The following PDSS2 variants were observed in gnomAD, a reference collection of about 807,000 sequenced individuals.
The protein encoded by PDSS2 is all trans-polyprenyl-diphosphate synthase PDSS2.
Under a neutral mutation model 44.5 loss-of-function variants are expected in PDSS2, and 31 were observed. The ratio of observed to expected loss-of-function variants is 0.70; its 90% CI spans 0.52 to 0.94. The LOEUF (loss-of-function observed/expected upper bound fraction) is 0.94, where lower values mean the gene tolerates loss of function less well. Among genes scored for constraint, PDSS2 ranks in the 40% least tolerant of loss-of-function variants. The pLI is 0.00. For synonymous variants in PDSS2, 157 were observed against 180.3 expected, an observed-to-expected ratio of 0.87 and a Z score of 1.03; for missense variants, 452 against 482.2, an observed-to-expected ratio of 0.94 and a Z score of 0.59.
rs1582944005 is a variant in PDSS2, at chr6:107,325,745, T to C, written c.431+8453A>G. 2.6e-5 allele frequency among the ~76,000 whole-genome samples: 4 copies of C among 152,348 alleles called. No homozygotes were observed. The East Asian group carries it at 7.7e-4, about 29-fold the overall frequency. ...TTCATGTCTTTTGTCCATGTTTGTG[T>C]TGTAATTTTCTTCTTCCCGATTTAT... On this transcript the variant is annotated intron_variant, in intron 2 of 7. Coordinates refer to ENST00000369037, the MANE Select transcript of PDSS2 (RefSeq NM_020381.4).
chr6:107,440,463 C>G (rs905645354), intron 1 of PDSS2, among the ~76,000 whole-genome samples: 1 of 152,208 alleles, frequency 6.6e-6, no homozygotes. Flanking sequence ...AGACAAGGTT[C>G]CAGCTAGGAT....
chr6:107,399,890 T>C (rs319124), intron 1 of PDSS2, among the ~76,000 whole-genome samples: 57,282 of 151,906 alleles, frequency 0.38, 13,279 homozygotes, highest in Middle Eastern at 0.64. Flanking sequence ...CCTCATCCAT[T>C]TGGAAATAAC....
At chr6:107,402,533 T>TTTTATA (rs767244108) in intron 1 of PDSS2, among the ~76,000 whole-genome samples, 1 of 63,816 alleles carries the variant, frequency 1.6e-5, no homozygotes, top group South Asian at 4.2e-4. Flanking sequence ...TACATACATT[T>TTTTATA]TATATATATA....
At chr6:107,334,464 G>A in intron 1 of PDSS2, 132 bp from the exon 2 acceptor site, 1 of 800,316 alleles carries the variant, frequency 1.2e-6, no homozygotes, top group Non-Finnish European at 2.1e-6. Context: ...AACAGGGTCA[G>A]GGAGGAAAAT....
chr6:107,434,600 G>C (rs1162040403), intron 1 of PDSS2, among the ~76,000 whole-genome samples: 3 of 152,078 alleles, frequency 2.0e-5, no homozygotes, highest in Non-Finnish European at 4.4e-5. Context: ...CCAGAGGCTG[G>C]GAAGCATAGT....
intron 4 of PDSS2, among the ~76,000 whole-genome samples, chr6:107,233,472 G>T (rs2114745155): frequency 6.6e-6 from 1 of 152,196 alleles, no homozygotes; most frequent in South Asian, 2.1e-4. Flanking sequence ...GCCTAATATA[G>T]CTCTATGGGT....
At chr6:107,207,975 C>CTTTT (rs1271573467) in intron 6 of PDSS2, among the ~76,000 whole-genome samples, 1 of 68,222 alleles carries the variant, frequency 1.5e-5, no homozygotes, top group African/African-American at 6.9e-5. Flanking sequence ...CTGTCTATGA[C>CTTTT]TTGTTTTTTT....
At chr6:107,382,233 G>T (rs1463990518) in intron 1 of PDSS2, among the ~76,000 whole-genome samples, 1 of 152,078 alleles carries the variant, frequency 6.6e-6, no homozygotes, top group Non-Finnish European at 1.5e-5. Flanking sequence ...AACAAAAATG[G>T]CTGAAAAGCT....
chr6:107,238,327 AC>A (rs920337913), intron 4 of PDSS2, among the ~76,000 whole-genome samples: 2 of 152,150 alleles, frequency 1.3e-5, no homozygotes, highest in African/African-American at 4.8e-5. Context: ...TCTCCAAATC[AC>A]CCCCAGGTTT....
chr6:107,371,172 C>A (rs1256974929), intron 1 of PDSS2, among the ~76,000 whole-genome samples: 1 of 92,994 alleles, frequency 1.1e-5, no homozygotes, highest in Non-Finnish European at 2.3e-5. Flanking sequence ...AAGAGCAAAA[C>A]TCTGTCTCAA....
chr6:107,347,261 T>C lies in PDSS2; in HGVS notation c.297-12929A>G, dbSNP rs895748984. Among the ~76,000 whole-genome samples the C allele has an allele frequency of 9.1e-3, 1,266 of 138,942 alleles. 5 individuals carry two copies. The highest frequency in any genetic ancestry group is 0.032 in the African/African-American group (1,158 of 36,000). The allele number at this position is 138,942 out of a possible 152,430, so 91.2% of individuals were successfully genotyped here. A position where few individuals can be genotyped will look rare whatever the true frequency, so the allele number is the denominator to read the frequency against. On this transcript the variant is annotated intron_variant, in intron 1 of 7. Coordinates refer to ENST00000369037, the MANE Select transcript of PDSS2 (RefSeq NM_020381.4). ...ATTCCCTAAAATTATATCTTCTTTTTTTTTTTTTTTTTTTTTTTTGAGACG... is the reference window on the plus strand; with the variant it reads ...ATTCCCTAAAATTATATCTTCTTTTCTTTTTTTTTTTTTTTTTTTGAGACG...
At chr6:107,203,197 G>GGAGACCTGTACCCA (rs1192975324) in intron 6 of PDSS2, among the ~76,000 whole-genome samples, 8 of 152,236 alleles carry the variant, frequency 5.3e-5, no homozygotes, top group Admixed American at 1.3e-4. Flanking sequence ...AAGAACCTAA[G>GGAGACCTGTACCCA]TTAAACCAGT....
intron 4 of PDSS2, among the ~76,000 whole-genome samples, chr6:107,244,039 A>G (rs1404427918): frequency 1.3e-5 from 2 of 152,232 alleles, no homozygotes. Context: ...GAGGCAGGAT[A>G]ATCGCTTGAA....
chr6:107,305,784 T>G (rs1298327375), intron 2 of PDSS2, among the ~76,000 whole-genome samples: 1 of 152,218 alleles, frequency 6.6e-6, no homozygotes, highest in Admixed American at 6.5e-5. Flanking sequence ...AAGAAAAGGT[T>G]AAGTACCTCT....
chr6:107,222,687 T>A (rs567203640), intron 4 of PDSS2, among the ~76,000 whole-genome samples: 2 of 148,786 alleles, frequency 1.3e-5, no homozygotes, highest in African/African-American at 2.5e-5. Flanking sequence ...ATTTCAAGAA[T>A]GTATTTTGAC....
intron 4 of PDSS2, among the ~76,000 whole-genome samples, chr6:107,217,011 A>G (rs546225610): frequency 6.6e-6 from 1 of 152,322 alleles, no homozygotes; most frequent in South Asian, 2.1e-4. Context: ...CTAAAGAGCT[A>G]TCTGGAAAAA....
intron 2 of PDSS2, among the ~76,000 whole-genome samples, chr6:107,279,716 T>C (rs1415834601): frequency 1.3e-5 from 2 of 152,200 alleles, no homozygotes; most frequent in African/African-American, 4.8e-5. Flanking sequence ...TTACTATTAT[T>C]GGTACCTATT....
intron 1 of PDSS2, among the ~76,000 whole-genome samples, chr6:107,447,809 G>A (rs933487406): frequency 5.3e-5 from 8 of 152,290 alleles, no homozygotes; most frequent in East Asian, 1.9e-4. Flanking sequence ...CTTCCCTTCC[G>A]CACTGCCCTA....
At chr6:107,384,647 C>CA (rs199758672) in intron 1 of PDSS2, among the ~76,000 whole-genome samples, 2,852 of 125,580 alleles carry the variant, frequency 0.023, 75 homozygotes, top group East Asian at 0.14. Flanking sequence ...GTCTCAAAAC[C>CA]AAAAAAAAAC....
Sources: allele counts gnomAD v4.1 joint callset (sites outside exome capture counted in the v4.1 genomes callset), GRCh38; gene constraint gnomAD v4.1.1; transcripts MANE v1.5; gene names NCBI Gene and HGNC (gene_info 2026-07-23, HGNC 2026-07-21).